The following KLHL26 variants were observed in gnomAD, a reference collection of about 807,000 sequenced individuals.
KLHL26 encodes the protein kelch like family member 26, also known as kelch-like protein 26.
KLHL26 carries 4 observed loss-of-function variants against 7.1 expected under a neutral mutation model. The ratio of observed to expected loss-of-function variants is 0.56; its 90% CI spans 0.28 to 1.28. The LOEUF (loss-of-function observed/expected upper bound fraction) is 1.28. Ranked by LOEUF, KLHL26 falls within the 50% of genes most tolerant of loss-of-function variation. The pLI is 0.11. For missense variants in KLHL26, 896 were observed against 924.6 expected, an observed-to-expected ratio of 0.97 and a Z score of 0.40; for synonymous variants, 465 against 414.1, an observed-to-expected ratio of 1.12 and a Z score of -1.49.
rs2052237319 is a variant in KLHL26 at position 18,650,340 on chromosome 19, G to T, written c.83+13203G>T. Reference sequence around the variant, plus strand: ...ATTTTCCCGGAGCGGGGTGGAAGGAGTGTCAAGGTGACTGTGAGATGACAG... The same window carrying T: ...ATTTTCCCGGAGCGGGGTGGAAGGATTGTCAAGGTGACTGTGAGATGACAG... On this transcript the variant is annotated intron_variant, in intron 1 of 2. Transcript: ENST00000300976. This position sits in a 1 kb window ranked among gnomAD's most constrained non-coding sequence, Gnocchi z 4.2. Among the ~76,000 whole-genome samples, 1 of 152,230 alleles carries T rather than the reference G, an allele frequency of 6.6e-6. No individual in the cohort carries two copies. The highest frequency in any genetic ancestry group is 2.4e-5 in the African/African-American group (1 of 41,468).
In KLHL26 at chr19:18,664,282, C is replaced by T; in HGVS notation, c.105C>T (p.Ala35=). The T allele has an allele frequency of 1.2e-6, 2 of 1,604,774 alleles. No individual in the cohort carries two copies. Among genetic ancestry groups the T allele is most frequent in the Non-Finnish European group, 8.5e-7 (1 of 1,177,026 alleles). The change falls in exon 2 of 3, where the codon GCC becomes GCT. Residue 35 remains alanine (A), a synonymous_variant. Transcript: ENST00000300976. ...RPNSTADKNG[A]LKCTFSAPSH... The stretch of plus-strand genomic sequence containing the variant: ...GCAGCACGGCCGACAAGAACGGGGC[C>T]CTCAAGTGCACCTTCTCGGCACCCA...
chr19:18,647,047 C>A (rs895671878), intron 1 of KLHL26, among the ~76,000 whole-genome samples: 1 of 152,204 alleles, frequency 6.6e-6, no homozygotes, highest in African/African-American at 2.4e-5. Flanking sequence ...GCCCACAGGC[C>A]GAGCCACATC....
chr19:18,638,546 T>C (rs1281465439), intron 1 of KLHL26, among the ~76,000 whole-genome samples: 2 of 152,102 alleles, frequency 1.3e-5, no homozygotes, highest in African/African-American at 4.8e-5. Flanking sequence ...AGCCAGGAGA[T>C]GTCAGAGGAT....
chr19:18,668,635 G>A lies in KLHL26; in HGVS notation c.1238G>A (p.Gly413Asp). The stretch of plus-strand genomic sequence containing the variant: ...CAGTTCCAGCTGAACGTGCTGTGCG[G>A]CATGGTGTACGCCACGGGCGGCCGC... ...RIQFQLNVLC[G>D]MVYATGGRNR... The change falls in exon 3 of 3, where the codon GGC becomes GAC. Residue 413 changes from glycine to aspartate, a missense_variant. Transcript: ENST00000300976. 2 of 1,579,282 alleles carry A rather than the reference G, an allele frequency of 1.3e-6. No individual in the cohort carries two copies. The highest frequency in any genetic ancestry group is 1.3e-5 in the African/African-American group (1 of 74,488).
intron 1 of KLHL26, among the ~76,000 whole-genome samples, chr19:18,651,388 C>G (rs1363883833): frequency 6.6e-6 from 1 of 152,222 alleles, no homozygotes; most frequent in Non-Finnish European, 1.5e-5. Flanking sequence ...AGCCTCTGTC[C>G]AGTCTGTGTC....
rs964122824 is a variant in KLHL26, at chr19:18,669,337, C to A, written c.*92C>A. On this transcript the variant is annotated 3_prime_UTR_variant, in exon 3 of 3. Transcript: ENST00000300976. ...GTCTGCCTGAGAACCCCAGTGCCCC[C>A]CTTCGCCCGGGCTGCCCTTGAGGGG... The A allele has an allele frequency of 6.7e-6, 7 of 1,039,222 alleles. No individual in the cohort carries two copies. Among genetic ancestry groups the A allele is most frequent in the Non-Finnish European group, 9.9e-6 (7 of 703,660 alleles). The allele number at this position is 1,039,222 out of a possible 1,614,324, so 64.4% of individuals were successfully genotyped here. A position where few individuals can be genotyped will look rare whatever the true frequency, so the allele number is the denominator to read the frequency against.
At chr19:18,660,746 G>T (rs1188111725) in intron 1 of KLHL26, among the ~76,000 whole-genome samples, 2 of 152,230 alleles carry the variant, frequency 1.3e-5, no homozygotes, top group East Asian at 3.8e-4. Context: ...GCAGTGGGGT[G>T]GGTTTGGCTT....
intron 1 of KLHL26, among the ~76,000 whole-genome samples, chr19:18,652,573 G>C (rs2052271851): frequency 1.5e-5 from 2 of 130,878 alleles, no homozygotes; most frequent in Admixed American, 1.7e-4. Context: ...CTGAGTGACA[G>C]AGCCAGACTC....
At chr19:18,640,551 A>ATTTTTTTTTTTTT (rs56247740) in intron 1 of KLHL26, among the ~76,000 whole-genome samples, 1 of 96,656 alleles carries the variant, frequency 1.0e-5, no homozygotes, top group African/African-American at 4.4e-5. Context: ...CTATGTTTTA[A>ATTTTTTTTTTTTT]TTTTTTTTTT....
rs568553297 is a variant in KLHL26, at chr19:18,649,694, G to A, written c.83+12557G>A. Among the ~76,000 whole-genome samples, 10 of 152,316 alleles carry A rather than the reference G, an allele frequency of 6.6e-5. 1 individual carries two copies. The South Asian group carries it at 1.7e-3, about 25-fold the overall frequency. ...GCCCCGCCCTCCTCCTCTGGTAGCC[G>A]CTCTGCAGCTGTGCGGACCAGCTCT... On this transcript the variant is annotated intron_variant, in intron 1 of 2. Transcript: ENST00000300976. This position sits in a 1 kb window ranked among gnomAD's most constrained non-coding sequence, Gnocchi z 4.0.
chr19:18,665,249 G>A (rs1196946926), intron 2 of KLHL26, among the ~76,000 whole-genome samples: 1 of 151,962 alleles, frequency 6.6e-6, no homozygotes, highest in African/African-American at 2.4e-5. Flanking sequence ...GTAGAGACGG[G>A]GTTTCACCAT....
At chr19:18,661,040 T>A (rs2052387282) in intron 1 of KLHL26, among the ~76,000 whole-genome samples, 1 of 152,178 alleles carries the variant, frequency 6.6e-6, no homozygotes, top group South Asian at 2.1e-4. Flanking sequence ...CACGTGCTAG[T>A]GGCAGCCTGG....
chr19:18,664,621 G>A (rs1403735668), intron 2 of KLHL26, among the ~76,000 whole-genome samples, 178 bp downstream of exon 2: 1 of 151,492 alleles, frequency 6.6e-6, no homozygotes, highest in Non-Finnish European at 1.5e-5. Context: ...TCGCGCTGTT[G>A]CCCAGGCTGG....
intron 1 of KLHL26, among the ~76,000 whole-genome samples, chr19:18,660,846 G>A (rs574301164): frequency 2.6e-5 from 4 of 152,290 alleles, no homozygotes; most frequent in South Asian, 4.1e-4. Context: ...CATGTGGAAC[G>A]CGTCAGGCAT....
chr19:18,642,338 A>AGTGTGT (rs1204260630), intron 1 of KLHL26, among the ~76,000 whole-genome samples: 12,475 of 123,706 alleles, frequency 0.1, 730 homozygotes, highest in Middle Eastern at 0.15. Context: ...CTAGTCACCT[A>AGTGTGT]GTGTGTGTGT....
At chr19:18,647,623 G>A (rs773709256) in intron 1 of KLHL26, among the ~76,000 whole-genome samples, 3 of 151,240 alleles carry the variant, frequency 2.0e-5, no homozygotes, top group Non-Finnish European at 2.9e-5. Flanking sequence ...AGAGGAGGAA[G>A]AGGAGGAGGA....
Position 18,637,676 on chromosome 19 carries a change from G to T in KLHL26, c.83+539G>T, listed in dbSNP as rs371175256. 2.8e-4 allele frequency among the ~76,000 whole-genome samples: 42 copies of T among 150,762 alleles called. 1 individual carries two copies. Among genetic ancestry groups the T allele is most frequent in the African/African-American group, 9.8e-4 (40 of 40,910 alleles). The stretch of plus-strand genomic sequence containing the variant: ...TGGGTGGGGGACTTAGGTGAATCTG[G>T]GAGTCTGAGATGGGGAGGCTGAGGG... On this transcript the variant is annotated intron_variant, in intron 1 of 2. Coordinates refer to ENST00000300976, the MANE Select transcript of KLHL26 (RefSeq NM_018316.3).
At chr19:18,653,961 A>ACCAG (rs1161865320) in intron 1 of KLHL26, among the ~76,000 whole-genome samples, 1 of 21,942 alleles carries the variant, frequency 4.6e-5, no homozygotes, top group Non-Finnish European at 8.4e-5. Flanking sequence ...CCACCCACCC[A>ACCAG]TCCATCCACC....
rs754930668 is a variant in KLHL26 at position 18,669,242 on chromosome 19, G to A, written c.1845G>A (p.Arg615=). Residue 615 remains arginine, a synonymous_variant, in exon 3 of 3, where the codon AGG becomes AGA. Transcript: ENST00000300976. The part of the protein sequence containing the change: ...PVLLPRAGTR[R] ...TGCTGCCCCGGGCCGGGACCAGGAG[G>A]TAGCCCCCAAGACCCCCGGGACCCT... The A allele has an allele frequency of 4.9e-5, 78 of 1,607,892 alleles. No homozygotes were observed. The highest frequency in any genetic ancestry group is 5.8e-5 in the Non-Finnish European group (68 of 1,179,314).
Sources: gnomAD v4.1 joint callset for allele counts (sites outside exome capture counted in the v4.1 genomes callset) on GRCh38, gnomAD v4.1.1 for gene constraint, Gnocchi (gnomAD v3.1) non-coding constraint, MANE v1.5 for transcripts, NCBI Gene and HGNC (gene_info 2026-07-23, HGNC 2026-07-21) for gene names.